The following TTC7A variants were observed in gnomAD, a reference collection of about 807,000 sequenced individuals.
TTC7A encodes the protein tetratricopeptide repeat domain 7A.
Under a neutral mutation model 103.7 loss-of-function variants are expected in TTC7A, and 110 were observed. That is an observed-to-expected ratio of 1.06 (90% CI 0.91 to 1.24). TTC7A has a LOEUF of 1.24. Among genes scored for constraint, TTC7A ranks in the 50% most tolerant of loss-of-function variants. TTC7A has a pLI of 0.00. For synonymous variants in TTC7A, 521 were observed against 467.9 expected, an observed-to-expected ratio of 1.11 and a Z score of -1.47; for missense variants, 1,340 against 1,116.3, an observed-to-expected ratio of 1.20 and a Z score of -2.86.
chr2:46,972,197 TAAAAA>T (rs758796527), intron 3 of TTC7A, among the ~76,000 whole-genome samples: 1 of 147,682 alleles, frequency 6.8e-6, no homozygotes, highest in Non-Finnish European at 1.5e-5. Flanking sequence ...TTTCCTGTCT[TAAAAA>T]AAAAAAGTAA....
At chr2:46,915,943 C>T (rs1261513818), upstream of TTC7A, 1 of 985,220 alleles carries the variant, frequency 1.0e-6, no homozygotes, top group East Asian at 1.1e-4. Context: ...GTAATCGGCC[C>T]GGGCCCAGCA....
intron 5 of TTC7A, among the ~76,000 whole-genome samples, chr2:46,988,229 G>A (rs1353987304): frequency 6.6e-6 from 1 of 152,120 alleles, no homozygotes; most frequent in Non-Finnish European, 1.5e-5. Flanking sequence ...GAAGGAGCCC[G>A]GCACCTGGAT....
At position 46,951,047 on chromosome 2, in the gene TTC7A, G is replaced by A. The variant is rs190027071; in HGVS notation, c.348+521G>A. On this transcript the variant is annotated intron_variant, in intron 2 of 19. Coordinates refer to ENST00000319190, the MANE Select transcript of TTC7A (RefSeq NM_020458.4). ...GGGCTCTCAGGAAAATAAAACCTCA[G>A]TGAACCTGTGACCTAGTTAGAAACA... Among the ~76,000 whole-genome samples, 5 of 152,282 alleles carry A rather than the reference G, an allele frequency of 3.3e-5. No individual in the cohort carries two copies. The East Asian group carries it at 9.6e-4, about 29-fold the overall frequency.
chr2:46,935,765 T>G (rs1045666538), intron 2 of TTC7A, among the ~76,000 whole-genome samples: 1 of 152,054 alleles, frequency 6.6e-6, no homozygotes, highest in Non-Finnish European at 1.5e-5. Flanking sequence ...GAGATGCAAG[T>G]CTTGTATTGG....
At chr2:47,052,648 C>G (rs1323598111) in intron 18 of TTC7A, among the ~76,000 whole-genome samples, 2 of 152,082 alleles carry the variant, frequency 1.3e-5, no homozygotes, top group African/African-American at 2.4e-5. Flanking sequence ...AGAGGTAGAT[C>G]AGAGTGGAAA....
chr2:46,971,846 A>G (rs904883781), intron 3 of TTC7A, among the ~76,000 whole-genome samples: 4 of 152,028 alleles, frequency 2.6e-5, no homozygotes, highest in African/African-American at 9.7e-5. Context: ...TGGGACAGAC[A>G]TTGATTCTTC....
At chr2:46,940,033 G>T (rs528468662), upstream of TTC7A, among the ~76,000 whole-genome samples, 1 of 152,278 alleles carries the variant, frequency 6.6e-6, no homozygotes, top group African/African-American at 2.4e-5. This position sits in a 1 kb window ranked among gnomAD's most constrained non-coding sequence, Gnocchi z 4.7. Context: ...ACCCGGAGAG[G>T]AGGGCCTCCA....
chr2:47,024,414 T>C, intron 14 of TTC7A, 55 bp downstream of exon 14: 1 of 1,509,188 alleles, frequency 6.6e-7, no homozygotes, highest in Non-Finnish European at 9.0e-7. Context: ...GATCTTCTCC[T>C]GGAAACCCAG....
chr2:46,987,885 G>A (rs749220525), intron 5 of TTC7A, among the ~76,000 whole-genome samples: 1 of 151,776 alleles, frequency 6.6e-6, no homozygotes, highest in Non-Finnish European at 1.5e-5. Flanking sequence ...AGTTGGAGAG[G>A]CAGCAAAGGC....
chr2:46,941,502 A>G lies in TTC7A; in HGVS notation c.-40A>G, dbSNP rs199857526. 10 of 1,540,758 alleles carry G rather than the reference A, an allele frequency of 6.5e-6. No homozygotes were observed. The East Asian group carries it at 2.3e-4, about 35-fold the overall frequency. On this transcript the variant is annotated 5_prime_UTR_variant, in exon 1 of 20. Transcript: ENST00000319190. The surrounding 1 kb of genome is among the most constrained non-coding windows in gnomAD (Gnocchi z 4.2). ...GGACGCCGCCCCCGGCCGGGTCTCC[A>G]CTTCTTGGCCGCACCTTCCATGACA... is the stretch of plus-strand genomic sequence containing the variant.
intron 8 of TTC7A, among the ~76,000 whole-genome samples, chr2:47,001,398 G>A (rs1676788322): frequency 6.6e-6 from 1 of 152,186 alleles, no homozygotes; most frequent in African/African-American, 2.4e-5. Flanking sequence ...TGAGGGAATG[G>A]GGGGTGGTTC....
At chr2:46,977,739 A>G (rs1674015685) in intron 4 of TTC7A, among the ~76,000 whole-genome samples, 1 of 152,176 alleles carries the variant, frequency 6.6e-6, no homozygotes, top group South Asian at 2.1e-4. Flanking sequence ...GCATTAAATT[A>G]TTATTGATGG....
At position 46,964,511 on chromosome 2, in the gene TTC7A, G is replaced by T. The variant is rs148741847; in HGVS notation, c.517+7504G>T. ...CACACCCTGAGGTGCACCACAGCCT[G>T]TTCCCCCTCAAATCAGGCTCACCTA... On this transcript the variant is annotated intron_variant, in intron 3 of 19. Coordinates refer to ENST00000319190, the MANE Select transcript of TTC7A (RefSeq NM_020458.4). Among the ~76,000 whole-genome samples, 553 of 152,274 alleles carry T rather than the reference G, an allele frequency of 3.6e-3. 10 individuals are homozygous for T. Among genetic ancestry groups the T allele is most frequent in the African/African-American group, 0.013 (533 of 41,544 alleles).
intron 10 of TTC7A, among the ~76,000 whole-genome samples, chr2:47,010,301 T>A (rs1677902566): frequency 6.6e-6 from 1 of 152,176 alleles, no homozygotes; most frequent in Non-Finnish European, 1.5e-5. Context: ...AGTATGTAAA[T>A]GTAATGCACA....
intron 8 of TTC7A, among the ~76,000 whole-genome samples, chr2:46,996,851 A>G (rs1676244615): frequency 6.6e-6 from 1 of 152,124 alleles, no homozygotes; most frequent in Admixed American, 6.6e-5. Flanking sequence ...TGAAATATGG[A>G]ACCCCAGATG....
chr2:46,975,016 C>G lies in TTC7A; in HGVS notation c.561C>G (p.Phe187Leu). ...ERLPNSIASR[F>L]RLTEREEEVI... is the part of the protein sequence containing the mutation. Reference sequence around the variant, plus strand: ...TACCCAACTCCATCGCCTCCCGCTTCCGCCTGACAGAGAGGGAGGAGGAAG... The same window carrying G: ...TACCCAACTCCATCGCCTCCCGCTTGCGCCTGACAGAGAGGGAGGAGGAAG... The change falls in exon 4 of 20, where the codon TTC (phenylalanine) becomes TTG (leucine). Residue 187 changes from phenylalanine to leucine, a missense_variant. Coordinates refer to ENST00000319190, the MANE Select transcript of TTC7A (RefSeq NM_020458.4). 1.9e-6 allele frequency: 3 copies of G among 1,614,120 alleles called. No homozygotes were observed. Among genetic ancestry groups the G allele is most frequent in the Non-Finnish European group, 1.7e-6 (2 of 1,179,974 alleles).
exon 1 of TTC7A, chr2:46,916,164 A>ACAGGGCTCTTGGTT: frequency 1.0e-6 from 1 of 985,442 alleles, no homozygotes; most frequent in Non-Finnish European, 1.2e-6. Flanking sequence ...CCCCTCCTAT[A>ACAGGGCTCTTGGTT]CAGGGCTCTT....
At chr2:47,073,661 T>A (rs1436665278) in intron 19 of TTC7A, 41 bp from the exon 20 acceptor site, 1 of 1,586,278 alleles carries the variant, frequency 6.3e-7, no homozygotes, top group Non-Finnish European at 8.6e-7. Context: ...GCCTGTGCCA[T>A]GGGACACCCC....
chr2:47,058,873 G>C (rs1374854819), intron 18 of TTC7A, among the ~76,000 whole-genome samples: 1 of 152,138 alleles, frequency 6.6e-6, no homozygotes, highest in Non-Finnish European at 1.5e-5. Flanking sequence ...TTGCAGGACA[G>C]ATCCTCCCCT....
Sources: gnomAD v4.1 joint callset for allele counts (sites outside exome capture counted in the v4.1 genomes callset) on GRCh38, gnomAD v4.1.1 for gene constraint, Gnocchi (gnomAD v3.1) non-coding constraint, MANE v1.5 for transcripts, NCBI Gene and HGNC (gene_info 2026-07-23, HGNC 2026-07-21) for gene names.